The following CCAR2 variants were observed in gnomAD, a reference collection of about 807,000 sequenced individuals.
CCAR2 encodes the protein cell cycle and apoptosis regulator 2.
In CCAR2, 21 loss-of-function variants were observed where a neutral mutation model predicts 108.1. The ratio of observed to expected loss-of-function variants is 0.19; its 90% confidence interval spans 0.14 to 0.28. The LOEUF is 0.28. Among genes scored for constraint, CCAR2 ranks in the 10% least tolerant of loss-of-function variants. The probability of loss-of-function intolerance (pLI) is 1.00; values close to 1 mark genes in which losing one functional copy is unlikely to be tolerated. For synonymous variants in CCAR2, 577 were observed against 472.8 expected (o/e 1.22, Z -2.86); for missense variants, 1,126 against 1,177.0 (o/e 0.96, Z 0.63).
In CCAR2 at chr8:22,619,343, G is replaced by C; in HGVS notation, c.2715G>C (p.Arg905=). Residue 905 remains arginine (R), a synonymous_variant, in exon 20 of 21, where the codon CGG becomes CGC. Transcript: ENST00000308511. ...RLTPLQLEIQ[R]VVEKADSWVE... is the part of the protein sequence containing the mutation. ...CCCCCCTGCAGCTGGAGATCCAGCG[G>C]GTGGTGGAAAAGGTAAGGTGGGGGT... 1 of 1,559,572 alleles carries C rather than the reference G, an allele frequency of 6.4e-7. No homozygotes were observed. Among genetic ancestry groups the C allele is most frequent in the Non-Finnish European group, 8.7e-7 (1 of 1,152,470 alleles).
intron 7 of CCAR2, among the ~76,000 whole-genome samples, chr8:22,611,388 A>ATATATGTGTGTGTG (rs1554559973): frequency 7.8e-6 from 1 of 128,478 alleles, no homozygotes; most frequent in African/African-American, 3.2e-5. Flanking sequence ...AAGTATATAT[A>ATATATGTGTGTGTG]TGTGTGTGTG....
In CCAR2 at chr8:22,609,438, C is replaced by T. The variant is rs369865321; in HGVS notation, c.584+1373C>T. Among the ~76,000 whole-genome samples the T allele has an allele frequency of 1.5e-4, 23 of 152,310 alleles. No individual in the cohort carries two copies. In the East Asian group the frequency reaches 3.7e-3, roughly 24 times the overall value. Reference sequence around the variant, plus strand: ...AAGCGCTGGGATTACAGGTGTGGGCCACCACGCCCGGCCCATTGTGAATTC... The same window carrying T: ...AAGCGCTGGGATTACAGGTGTGGGCTACCACGCCCGGCCCATTGTGAATTC... On this transcript the variant is annotated intron_variant, in intron 7 of 20. Coordinates refer to ENST00000308511, the MANE Select transcript of CCAR2 (RefSeq NM_001393997.1).
chr8:22,618,108 T>A, intron 16 of CCAR2: 1 of 600,562 alleles, frequency 1.7e-6, no homozygotes, highest in Non-Finnish European at 2.9e-6. Context: ...GAGACGGGGT[T>A]TCGCTGTGTT....
chr8:22,618,302 C>G, intron 16 of CCAR2, 47 bp from the exon 17 acceptor site: 1 of 1,613,072 alleles, frequency 6.2e-7, no homozygotes. Flanking sequence ...GATAGAGCCA[C>G]TGAGGGAACT....
At position 22,606,969 on chromosome 8, in the gene CCAR2, A is replaced by C; in HGVS notation, c.302A>C (p.Asn101Thr). The C allele has an allele frequency of 3.1e-6, 5 of 1,614,050 alleles. No homozygotes were observed. The highest frequency in any genetic ancestry group is 3.4e-6 in the Non-Finnish European group (4 of 1,180,012). The change falls in exon 5 of 21, where the codon AAC (asparagine) becomes ACC (threonine). Residue 101 changes from asparagine to threonine, a missense_variant. Coordinates refer to ENST00000308511, the MANE Select transcript of CCAR2 (RefSeq NM_001393997.1). ...AAGGTGCTGGTGAAGGCTGCATACA[A>C]CCCAGGCCAGGCAGTGCCCTGGAAT... is the stretch of plus-strand genomic sequence containing the variant. ...GEKVLVKAAY[N>T]PGQAVPWNAV...
chr8:22,606,770 C>T (rs1327499105), intron 4 of CCAR2, 72 bp downstream of exon 4: 26 of 1,466,726 alleles, frequency 1.8e-5, no homozygotes, highest in Non-Finnish European at 2.4e-5. Context: ...GGTATTGCCC[C>T]CACCCGCCTC....
intron 11 of CCAR2, 189 bp downstream of exon 11, chr8:22,615,190 G>A: frequency 2.2e-6 from 2 of 900,402 alleles, no homozygotes; most frequent in Non-Finnish European, 3.3e-6. Context: ...GGCTGCACTT[G>A]AGACTCCCTG....
intron 7 of CCAR2, among the ~76,000 whole-genome samples, chr8:22,610,113 A>T (rs1801219336): frequency 6.6e-6 from 1 of 152,188 alleles, no homozygotes; most frequent in Admixed American, 6.5e-5. Flanking sequence ...GATAAGGGAT[A>T]CTCAACCTAT....
At chr8:22,618,577 G>A (rs111988037) in intron 17 of CCAR2, 40 bp from the exon 18 acceptor site, 5 of 1,613,898 alleles carry the variant, frequency 3.1e-6, no homozygotes, top group Non-Finnish European at 4.2e-6. Context: ...GGCCAGGGTC[G>A]GGGACGGGGC....
At position 22,614,210 on chromosome 8, in the gene CCAR2, C is replaced by T. The variant is rs201163107; in HGVS notation, c.823C>T (p.Leu275Phe). ...CTTCCCCCTGAGCCAGCCCTTTTCCCTCCATCATCCAAGCCGGATCCAGGT... is the reference window on the plus strand; with the variant it reads ...CTTCCCCCTGAGCCAGCCCTTTTCCTTCCATCATCCAAGCCGGATCCAGGT... Reference protein sequence around the residue: ...SAFPLSQPFSLHHPSRIQVSS... With the variant: ...SAFPLSQPFSFHHPSRIQVSS... The change falls in exon 9 of 21, where the codon CTC becomes TTC. Residue 275 changes from leucine (L) to phenylalanine (F), a missense_variant. Physicochemically the swap from Leu to Phe is conservative, Grantham distance 22. Coordinates refer to ENST00000308511, the MANE Select transcript of CCAR2 (RefSeq NM_001393997.1). 9.3e-6 allele frequency: 15 copies of T among 1,613,986 alleles called. No homozygotes were observed. The highest frequency in any genetic ancestry group is 1.7e-5 in the Admixed American group (1 of 60,000).
chr8:22,616,269 G>C, intron 14 of CCAR2, 21 bp downstream of exon 14: 3 of 1,607,050 alleles, frequency 1.9e-6, no homozygotes, highest in Non-Finnish European at 2.6e-6. Context: ...TGCCACCTCG[G>C]GCTGTCATAG....
chr8:22,616,506 T>G (rs1801514620), intron 14 of CCAR2: 1 of 526,744 alleles, frequency 1.9e-6, no homozygotes, highest in Non-Finnish European at 3.4e-6. Flanking sequence ...GGTGCTTTGA[T>G]TGCCTGATGG....
In CCAR2 at chr8:22,619,232, G is replaced by C; in HGVS notation, c.2604G>C (p.Leu868=). 1 of 1,572,750 alleles carries C rather than the reference G, an allele frequency of 6.4e-7. No homozygotes were observed. ...AGATGCAGGAGCTGCGAGTCCGGCTGGCGGAGGCCGAGGAGACCGCCCGGA... is the reference window on the plus strand; with the variant it reads ...AGATGCAGGAGCTGCGAGTCCGGCTCGCGGAGGCCGAGGAGACCGCCCGGA... The part of the protein sequence containing the change: ...AAEMQELRVR[L]AEAEETARTA... The change falls in exon 20 of 21, where the codon CTG becomes CTC. Residue 868 remains leucine, a synonymous_variant. Transcript: ENST00000308511.
intron 8 of CCAR2, 33 bp downstream of exon 8, chr8:22,613,169 G>A (rs1444790362): frequency 1.3e-6 from 2 of 1,528,760 alleles, no homozygotes; most frequent in Non-Finnish European, 1.8e-6. Flanking sequence ...GCTGAGTCTT[G>A]CTGCTGGTAA....
At position 22,620,031 on chromosome 8, in the gene CCAR2, C is replaced by CT. The variant is rs1251208094; in HGVS notation, c.*353dup. 3.5e-6 allele frequency: 1 copy of CT among 289,330 alleles called. No homozygotes were observed. The highest frequency in any genetic ancestry group is 4.5e-5 in the Admixed American group (1 of 22,388). 17.9% of individuals were successfully genotyped at this position (289,330 alleles called of 1,614,324 possible). A position where few individuals can be genotyped will look rare whatever the true frequency, so the allele number is the denominator to read the frequency against. ...TAGAATAAGACAGGGGAGAAAAAGG[C>CT]TTTTCGAGTGTGGGACAAGGTCTGA... On this transcript the variant is annotated 3_prime_UTR_variant, in exon 21 of 21. Coordinates refer to ENST00000308511, the MANE Select transcript of CCAR2 (RefSeq NM_001393997.1).
Position 22,604,788 on chromosome 8 carries a change from G to T in CCAR2, c.-93G>T, listed in dbSNP as rs1426461240. On this transcript the variant is annotated 5_prime_UTR_variant, in exon 1 of 21. Coordinates refer to ENST00000308511, the MANE Select transcript of CCAR2 (RefSeq NM_001393997.1). ...GCTTCCGGTGGCGGCGGCAGCAGCG[G>T]CTGTGGTGGTTCCGGGTGTCTTTGT... The T allele has an allele frequency of 6.6e-6, 3 of 455,860 alleles. No homozygotes were observed. In the Admixed American group the frequency reaches 7.0e-5, roughly 11 times the overall value. 28.2% of individuals were successfully genotyped at this position (455,860 alleles called of 1,614,324 possible).
chr8:22,616,410 G>A (rs1220140370), intron 14 of CCAR2, 162 bp downstream of exon 14: 1 of 667,544 alleles, frequency 1.5e-6, no homozygotes, highest in African/African-American at 1.8e-5. Context: ...CCTAGTGCAA[G>A]GGAAGGTGGC....
rs1418880708 is a variant in CCAR2 at position 22,606,612 on chromosome 8, G to A, written c.156G>A (p.Gly52=). The A allele has an allele frequency of 6.2e-7, 1 of 1,613,444 alleles. No homozygotes were observed. The highest frequency in any genetic ancestry group is 8.5e-7 in the Non-Finnish European group (1 of 1,179,498). Residue 52 remains glycine, a synonymous_variant, in exon 4 of 21, where the codon GGG becomes GGA. Coordinates refer to ENST00000308511, the MANE Select transcript of CCAR2 (RefSeq NM_001393997.1). The part of the protein sequence containing the change: ...LSQNARHLQG[G]EKQRVFTGIV... ...GCTGTCTCCTTCTCTTACAGGGTGG[G>A]GAGAAACAGCGGGTCTTCACTGGTA...
chr8:22,617,653 G>A (rs200082679), intron 15 of CCAR2, 43 bp from the exon 16 acceptor site: 7 of 1,613,984 alleles, frequency 4.3e-6, no homozygotes, highest in Admixed American at 1.7e-5. Flanking sequence ...GTACTGTGGA[G>A]TTGGGTGGGC....
Sources: allele counts gnomAD v4.1 joint callset (sites outside exome capture counted in the v4.1 genomes callset), GRCh38; gene constraint gnomAD v4.1.1; transcripts MANE v1.5; gene names NCBI Gene and HGNC (gene_info 2026-07-23, HGNC 2026-07-21).